The following ROBO2 variants were observed in gnomAD, a reference collection of about 807,000 sequenced individuals.
ROBO2 encodes the protein roundabout guidance receptor 2, also known as roundabout homolog 2.
ROBO2 carries 53 observed loss-of-function variants against 160.8 expected under a neutral mutation model. The ratio of observed to expected loss-of-function variants is 0.33; its 90% CI spans 0.26 to 0.41. The LOEUF is 0.41. Ranked by LOEUF, ROBO2 falls within the 10% of genes least tolerant of loss-of-function variation. The pLI is 1.00. For synonymous variants in ROBO2, 664 were observed against 611.7 expected, an observed-to-expected ratio of 1.09 and a Z score of -1.26; for missense variants, 1,577 against 1,722.4, an observed-to-expected ratio of 0.92 and a Z score of 1.49.
At chr3:76,906,678 A>T (rs568474801) in intron 2 of ROBO2, among the ~76,000 whole-genome samples, 8 of 152,248 alleles carry the variant, frequency 5.3e-5, no homozygotes, top group African/African-American at 1.9e-4. Context: ...CACAGAAAGT[A>T]AATGGCCTTG....
At chr3:77,397,918 CAAAGAA>C (rs2075430594) in intron 2 of ROBO2, among the ~76,000 whole-genome samples, 1 of 151,484 alleles carries the variant, frequency 6.6e-6, no homozygotes, top group African/African-American at 2.4e-5. Flanking sequence ...TTAGGAGCAA[CAAAGAA>C]AAAGAAGAGA....
chr3:76,890,331 TAC>T (rs1201885343), intron 2 of ROBO2, among the ~76,000 whole-genome samples: 2 of 152,192 alleles, frequency 1.3e-5, no homozygotes, highest in Admixed American at 1.3e-4. Flanking sequence ...CTTAGTAAAT[TAC>T]ACAGTGAAGA....
chr3:77,546,373 A>G, exon 7 of ROBO2: 3 of 1,613,288 alleles, frequency 1.9e-6, no homozygotes, highest in Non-Finnish European at 2.5e-6. Flanking sequence ...AAGAGATCAG[A>G]TTGTTGCTCA....
intron 2 of ROBO2, among the ~76,000 whole-genome samples, chr3:76,829,372 T>C (rs2109288006): frequency 6.6e-6 from 1 of 152,252 alleles, no homozygotes; most frequent in African/African-American, 2.4e-5. Flanking sequence ...AAAATCCTCC[T>C]AATGTAGATG....
intron 2 of ROBO2, among the ~76,000 whole-genome samples, chr3:76,927,849 G>T (rs1298686850): frequency 6.6e-6 from 1 of 152,152 alleles, no homozygotes; most frequent in Non-Finnish European, 1.5e-5. Context: ...TTTTGTGAGT[G>T]ATGGTGAGAA....
At chr3:77,009,572 ATGT>A (rs1469404180) in intron 2 of ROBO2, among the ~76,000 whole-genome samples, 2 of 152,194 alleles carry the variant, frequency 1.3e-5, no homozygotes, top group Non-Finnish European at 2.9e-5. Flanking sequence ...ATAATTTTAT[ATGT>A]TGTTTAGTTG....
intron 2 of ROBO2, among the ~76,000 whole-genome samples, chr3:76,552,818 G>T (rs1374212484): frequency 1.3e-5 from 2 of 152,200 alleles, no homozygotes; most frequent in African/African-American, 4.8e-5. Flanking sequence ...CATTTAGTTG[G>T]TTACATAACT....
chr3:76,437,993 A>T (rs896848584), intron 2 of ROBO2, among the ~76,000 whole-genome samples: 3 of 152,126 alleles, frequency 2.0e-5, no homozygotes, highest in Non-Finnish European at 4.4e-5. Flanking sequence ...GACTTCTCTC[A>T]ACGATGTAAG....
intron 2 of ROBO2, among the ~76,000 whole-genome samples, chr3:77,446,877 G>A (rs769911339): frequency 2.0e-5 from 3 of 152,022 alleles, no homozygotes; most frequent in Admixed American, 1.3e-4. Context: ...CTAAATAGTT[G>A]TTAAAATCAA....
intron 2 of ROBO2, among the ~76,000 whole-genome samples, chr3:76,231,059 T>A (rs1704593484): frequency 6.6e-6 from 1 of 152,060 alleles, no homozygotes; most frequent in Admixed American, 6.6e-5. Flanking sequence ...ACTCTCAACC[T>A]CCTACTTTCA....
intron 2 of ROBO2, among the ~76,000 whole-genome samples, chr3:76,239,055 T>A (rs146190137): frequency 4.1e-4 from 62 of 152,340 alleles, no homozygotes; most frequent in African/African-American, 1.5e-3. Context: ...TACTGACTCC[T>A]TCCTGATATT....
At chr3:76,851,683 C>T (rs1485275174) in intron 2 of ROBO2, among the ~76,000 whole-genome samples, 1 of 133,974 alleles carries the variant, frequency 7.5e-6, no homozygotes, top group Non-Finnish European at 1.5e-5. Context: ...TGCAGTGAGC[C>T]GAGATTGCGC....
chr3:76,576,848 T>C (rs1174169247), intron 2 of ROBO2, among the ~76,000 whole-genome samples: 3 of 151,268 alleles, frequency 2.0e-5, no homozygotes, highest in African/African-American at 7.3e-5. Context: ...AATCTAACAA[T>C]TCCTTGATAA....
chr3:77,301,043 A>G (rs1220590176), intron 2 of ROBO2, among the ~76,000 whole-genome samples: 1 of 150,322 alleles, frequency 6.7e-6, no homozygotes, highest in African/African-American at 2.5e-5. Context: ...TAACTTTTGT[A>G]TTTTTAGTAG....
At chr3:77,180,416 C>CTCTATATATATATATATATATATA (rs1433740534) in intron 2 of ROBO2, among the ~76,000 whole-genome samples, 37 of 90,708 alleles carry the variant, frequency 4.1e-4, no homozygotes, top group Non-Finnish European at 5.7e-4. Context: ...CTCTCTCTCT[C>CTCTATATATATATATATATATATA]TATATATATA....
chr3:76,325,060 G>A (rs555412561), intron 2 of ROBO2, among the ~76,000 whole-genome samples: 2 of 152,182 alleles, frequency 1.3e-5, no homozygotes, highest in Admixed American at 6.5e-5. Flanking sequence ...AGCAGAGATC[G>A]CACCACTGCA....
intron 2 of ROBO2, among the ~76,000 whole-genome samples, chr3:76,239,189 A>G (rs1705140566): frequency 1.3e-5 from 2 of 152,172 alleles, no homozygotes; most frequent in Admixed American, 6.5e-5. Context: ...ATAGAGAGAA[A>G]TAAATTTTTT....
chr3:76,986,228 G>T lies in ROBO2; in HGVS notation c.110-111786G>T, dbSNP rs535926341. On this transcript the variant is annotated intron_variant, in intron 2 of 26. Coordinates refer to the ROBO2 transcript ENST00000487694. ...TCTTGCTATATAGTACGCATTGATC[G>T]ATACAATTTATAAAAATCTAAGTTA... is the stretch of plus-strand genomic sequence containing the variant. 3.9e-5 allele frequency among the ~76,000 whole-genome samples: 6 copies of T among 152,004 alleles called. No homozygotes were observed. The South Asian group carries it at 1.0e-3, about 26-fold the overall frequency.
At chr3:76,663,958 T>A (rs1454412030) in intron 2 of ROBO2, among the ~76,000 whole-genome samples, 1 of 151,138 alleles carries the variant, frequency 6.6e-6, no homozygotes, top group Non-Finnish European at 1.5e-5. Context: ...AACTGACAAT[T>A]GTTGATGGGA....
Sources: gnomAD v4.1 joint callset for allele counts (sites outside exome capture counted in the v4.1 genomes callset) on GRCh38, gnomAD v4.1.1 for gene constraint, MANE v1.5 for transcripts, NCBI Gene and HGNC (gene_info 2026-07-23, HGNC 2026-07-21) for gene names.